The following TAFA2 variants were observed in gnomAD, a reference collection of about 807,000 sequenced individuals.
TAFA2 encodes TAFA chemokine like family member 2.
A neutral mutation model predicts 18.8 loss-of-function variants in TAFA2; 7 were observed. The observed-to-expected ratio is 0.37, with a 90% CI of 0.21 to 0.70. TAFA2 has a LOEUF of 0.70. Among genes scored for constraint, TAFA2 ranks in the 30% least tolerant of loss-of-function variants. The pLI is 0.53. For missense variants in TAFA2, 122 were observed against 158.1 expected, an observed-to-expected ratio of 0.77 and a Z score of 1.23; for synonymous variants, 60 against 54.2, an observed-to-expected ratio of 1.11 and a Z score of -0.47.
chr12:61,876,025 T>C (rs1874827932), intron 1 of TAFA2, among the ~76,000 whole-genome samples: 1 of 152,202 alleles, frequency 6.6e-6, no homozygotes, highest in Admixed American at 6.5e-5. Flanking sequence ...TGATTATATA[T>C]GGTAAAAAGA....
chr12:62,154,087 TG>T (rs2062351842), intron 1 of TAFA2, among the ~76,000 whole-genome samples: 1 of 152,034 alleles, frequency 6.6e-6, no homozygotes, highest in Non-Finnish European at 1.5e-5. Flanking sequence ...GGCTAAATAA[TG>T]TATTTTATTA....
intron 1 of TAFA2, among the ~76,000 whole-genome samples, chr12:61,949,850 T>G (rs551547328): frequency 1.3e-5 from 2 of 152,334 alleles, no homozygotes; most frequent in African/African-American, 4.8e-5. Context: ...TTCACATTGT[T>G]GTGACATAGA....
At chr12:62,006,097 T>TAG (rs1880541171) in intron 1 of TAFA2, among the ~76,000 whole-genome samples, 1 of 152,188 alleles carries the variant, frequency 6.6e-6, no homozygotes, top group East Asian at 1.9e-4. Context: ...CAATCTCTCT[T>TAG]AGATGATTTG....
At chr12:61,849,527 C>T (rs1200281905) in intron 2 of TAFA2, among the ~76,000 whole-genome samples, 2 of 152,138 alleles carry the variant, frequency 1.3e-5, no homozygotes, top group African/African-American at 4.8e-5. Flanking sequence ...AGACTTAAAT[C>T]ACTAAGTACA....
intron 1 of TAFA2, among the ~76,000 whole-genome samples, chr12:62,202,911 T>G (rs1268354951): frequency 7.8e-6 from 1 of 127,762 alleles, no homozygotes; most frequent in Non-Finnish European, 1.6e-5. Flanking sequence ...CACTGCAACC[T>G]CCACCCCCTG....
chr12:62,232,469 A>G (rs1366348527), intron 1 of TAFA2, among the ~76,000 whole-genome samples: 2 of 152,202 alleles, frequency 1.3e-5, no homozygotes, highest in Non-Finnish European at 2.9e-5. Context: ...TCTCATAGCC[A>G]GGAAATGGCA....
intron 1 of TAFA2, among the ~76,000 whole-genome samples, chr12:62,202,776 G>T (rs1346248341): frequency 6.9e-6 from 1 of 144,982 alleles, no homozygotes; most frequent in African/African-American, 2.5e-5. Context: ...TTACCCAGGA[G>T]TCATTCACGA....
intron 1 of TAFA2, among the ~76,000 whole-genome samples, chr12:61,985,768 A>G (rs1565705900): frequency 1.3e-5 from 2 of 152,194 alleles, no homozygotes; most frequent in African/African-American, 4.8e-5. Flanking sequence ...CGGAATTATG[A>G]TTTTCAGCAC....
chr12:61,964,404 A>G (rs565229275), intron 1 of TAFA2, among the ~76,000 whole-genome samples: 4 of 151,820 alleles, frequency 2.6e-5, no homozygotes, highest in Non-Finnish European at 5.9e-5. Flanking sequence ...TCTTCCTTCT[A>G]CTGTCTTTCC....
At chr12:62,110,564 C>CT (rs1869676770) in intron 1 of TAFA2, among the ~76,000 whole-genome samples, 2 of 147,962 alleles carry the variant, frequency 1.4e-5, no homozygotes, top group Admixed American at 6.8e-5. Context: ...CACCAGCTTC[C>CT]TTTTGCACCT....
At chr12:61,805,695 C>A (rs1257481391) in intron 2 of TAFA2, among the ~76,000 whole-genome samples, 1 of 152,018 alleles carries the variant, frequency 6.6e-6, no homozygotes, top group African/African-American at 2.4e-5. Context: ...GAAACAGGAC[C>A]TATATTTAGT....
At chr12:62,114,435 C>T (rs1204811806) in intron 1 of TAFA2, among the ~76,000 whole-genome samples, 3 of 152,164 alleles carry the variant, frequency 2.0e-5, no homozygotes, top group African/African-American at 4.8e-5. Flanking sequence ...TGTTCCTATT[C>T]GGCCATCTTG....
intron 1 of TAFA2, among the ~76,000 whole-genome samples, chr12:62,231,316 G>C (rs1422807117): frequency 1.3e-5 from 2 of 151,822 alleles, no homozygotes; most frequent in Non-Finnish European, 2.9e-5. Context: ...TATACTCTTG[G>C]CCTCTTTATC....
At chr12:61,794,698 G>C (rs538070136) in intron 2 of TAFA2, among the ~76,000 whole-genome samples, 1 of 151,870 alleles carries the variant, frequency 6.6e-6, no homozygotes, top group Non-Finnish European at 1.5e-5. Context: ...GAAATGCAAA[G>C]GACATAAAAT....
intron 4 of TAFA2, among the ~76,000 whole-genome samples, chr12:61,740,909 A>T (rs1868415195): frequency 6.6e-6 from 1 of 151,958 alleles, no homozygotes; most frequent in South Asian, 2.1e-4. Context: ...TATATTTAAC[A>T]GCTAAATAAC....
chr12:61,753,840 C>T, intron 3 of TAFA2, 94 bp from the exon 4 acceptor site: 1 of 1,159,622 alleles, frequency 8.6e-7, no homozygotes, highest in Non-Finnish European at 1.2e-6. Flanking sequence ...ACTAATTTTT[C>T]CTACCAGTGG....
intron 1 of TAFA2, among the ~76,000 whole-genome samples, chr12:62,064,732 G>C (rs188788434): frequency 6.6e-6 from 1 of 152,080 alleles, no homozygotes; most frequent in Non-Finnish European, 1.5e-5. Flanking sequence ...CCTCATAAGT[G>C]CTATTAAGGT....
intron 1 of TAFA2, among the ~76,000 whole-genome samples, chr12:62,059,088 C>G (rs1287679114): frequency 6.2e-5 from 9 of 145,212 alleles, no homozygotes; most frequent in South Asian, 2.2e-4. Flanking sequence ...GGGTGACAGA[C>G]CAAGACTCCG....
At chr12:61,756,647 G>A (rs999296671) in intron 2 of TAFA2, among the ~76,000 whole-genome samples, 3 of 151,940 alleles carry the variant, frequency 2.0e-5, no homozygotes, top group Non-Finnish European at 4.4e-5. Context: ...AAGCACCCAC[G>A]GTAATAATTA....
Sources: gnomAD v4.1 joint callset for allele counts (sites outside exome capture counted in the v4.1 genomes callset) on GRCh38, gnomAD v4.1.1 for gene constraint, MANE v1.5 for transcripts, NCBI Gene and HGNC (gene_info 2026-07-23, HGNC 2026-07-21) for gene names.